CAMKMT: variants seen among roughly 807,000 people sequenced by gnomAD.
CAMKMT encodes the protein calmodulin-lysine N-methyltransferase.
In CAMKMT, 53 loss-of-function variants were observed where a neutral mutation model predicts 48.0. The ratio of observed to expected loss-of-function variants is 1.10; its 90% CI spans 0.89 to 1.39. The LOEUF (loss-of-function observed/expected upper bound fraction) is 1.39, where lower values mean the gene tolerates loss of function less well. CAMKMT is among the 40% of genes most tolerant of loss of function. The pLI, the probability that CAMKMT is intolerant of heterozygous loss-of-function variation, is 0.00. For synonymous variants in CAMKMT, 165 were observed against 152.3 expected (o/e 1.08, Z -0.61); for missense variants, 428 against 402.7 (o/e 1.06, Z -0.54).
At chr2:44,527,080 C>A (rs1456678443) in intron 3 of CAMKMT, among the ~76,000 whole-genome samples, 1 of 147,510 alleles carries the variant, frequency 6.8e-6, no homozygotes, top group Non-Finnish European at 1.5e-5. Flanking sequence ...CCTTGACAAC[C>A]ACCCCCAGTT....
chr2:44,520,897 C>T lies in CAMKMT; in HGVS notation c.376+130592C>T, dbSNP rs984431270. ...TGCTTGCATTCATTCTTTCTCCTGC[C>T]GCTCTGTGAAGAGGTGGCTTCTGTC... On this transcript the variant is annotated intron_variant, in intron 3 of 10. Transcript: ENST00000378494. Among the ~76,000 whole-genome samples the T allele has an allele frequency of 6.6e-5, 10 of 152,172 alleles. No homozygotes were observed. The South Asian group carries it at 1.4e-3, about 22-fold the overall frequency.
At chr2:44,652,116 G>A (rs750769264) in intron 3 of CAMKMT, among the ~76,000 whole-genome samples, 2 of 152,162 alleles carry the variant, frequency 1.3e-5, no homozygotes, top group African/African-American at 2.4e-5. Context: ...TTAAAGCTAT[G>A]TTTATAAATA....
At chr2:44,605,102 TCTC>T in intron 3 of CAMKMT, among the ~76,000 whole-genome samples, 2 of 152,258 alleles carry the variant, frequency 1.3e-5, no homozygotes, top group East Asian at 3.9e-4. Context: ...TCTGTTCTCT[TCTC>T]CTTTATTTCC....
intron 3 of CAMKMT, among the ~76,000 whole-genome samples, chr2:44,569,414 T>G (rs1400979853): frequency 6.6e-6 from 1 of 152,216 alleles, no homozygotes; most frequent in Non-Finnish European, 1.5e-5. Flanking sequence ...TGCAAATGAT[T>G]CTGAAAATCA....
intron 3 of CAMKMT, among the ~76,000 whole-genome samples, chr2:44,620,994 T>C (rs922877571): frequency 3.9e-5 from 6 of 152,010 alleles, no homozygotes; most frequent in African/African-American, 7.2e-5. Flanking sequence ...GCAGGCCGGG[T>C]GCGGTGGCTC....
At chr2:44,575,758 G>C (rs183692325) in intron 3 of CAMKMT, among the ~76,000 whole-genome samples, 67 of 151,662 alleles carry the variant, frequency 4.4e-4, no homozygotes, top group African/African-American at 1.6e-3. Flanking sequence ...TCAGGAGGCT[G>C]AGGTGGGAGG....
At chr2:44,463,449 C>G (rs531906662) in intron 3 of CAMKMT, among the ~76,000 whole-genome samples, 1 of 152,230 alleles carries the variant, frequency 6.6e-6, no homozygotes, top group East Asian at 1.9e-4. Flanking sequence ...AGGAAAAGCC[C>G]AACTCATGGC....
chr2:44,662,432 C>A (rs1674731291), intron 3 of CAMKMT, among the ~76,000 whole-genome samples: 1 of 152,186 alleles, frequency 6.6e-6, no homozygotes, highest in African/African-American at 2.4e-5. Context: ...ACTGTGTTTA[C>A]TGTCAATGGA....
chr2:44,609,288 A>AGT (rs1428405500), intron 3 of CAMKMT, among the ~76,000 whole-genome samples: 1 of 152,232 alleles, frequency 6.6e-6, no homozygotes, highest in Non-Finnish European at 1.5e-5. Context: ...CATACTGTAC[A>AGT]GTGTGGTTAC....
chr2:44,594,730 G>A (rs4640437), intron 3 of CAMKMT, among the ~76,000 whole-genome samples: 97,838 of 152,012 alleles, frequency 0.64, 31,977 homozygotes, highest in Admixed American at 0.71. Flanking sequence ...CCTAGGCAAT[G>A]CCATTCAGGA....
At chr2:44,701,554 C>A (rs1370838878) in intron 3 of CAMKMT, among the ~76,000 whole-genome samples, 3 of 152,216 alleles carry the variant, frequency 2.0e-5, no homozygotes, top group East Asian at 1.9e-4. Context: ...ATCCCATTTC[C>A]TAGTATTTGA....
intron 3 of CAMKMT, among the ~76,000 whole-genome samples, chr2:44,472,478 G>C (rs1370877716): frequency 6.6e-6 from 1 of 152,264 alleles, no homozygotes; most frequent in South Asian, 2.1e-4. Flanking sequence ...TCTAAGGTTC[G>C]AACTTTTGCA....
At chr2:44,547,825 G>A (rs2103637938) in intron 3 of CAMKMT, among the ~76,000 whole-genome samples, 1 of 152,216 alleles carries the variant, frequency 6.6e-6, no homozygotes, top group East Asian at 1.9e-4. Flanking sequence ...ATCTCTAACG[G>A]CCTAAATTTG....
intron 3 of CAMKMT, among the ~76,000 whole-genome samples, chr2:44,640,258 A>C (rs927255453): frequency 1.3e-5 from 2 of 152,218 alleles, no homozygotes; most frequent in Non-Finnish European, 2.9e-5. Flanking sequence ...TAATACTTAA[A>C]AAACACTGGT....
chr2:44,634,883 C>G (rs147055495), intron 3 of CAMKMT, among the ~76,000 whole-genome samples: 2 of 149,844 alleles, frequency 1.3e-5, no homozygotes, highest in East Asian at 3.9e-4. Context: ...GTTTATAAAG[C>G]TAGTTTCATT....
At chr2:44,524,609 A>T (rs1311643988) in intron 3 of CAMKMT, among the ~76,000 whole-genome samples, 1 of 150,834 alleles carries the variant, frequency 6.6e-6, no homozygotes, top group Non-Finnish European at 1.5e-5. Context: ...TGTACACTGG[A>T]CATCCCTTAG....
intron 3 of CAMKMT, among the ~76,000 whole-genome samples, chr2:44,530,078 A>G (rs1011797): frequency 0.59 from 89,542 of 152,042 alleles, 27,403 homozygotes; most frequent in South Asian, 0.7. Flanking sequence ...AAGACTGTCA[A>G]TATTTCCTGC....
At chr2:44,414,896 C>G (rs1445685440) in intron 3 of CAMKMT, among the ~76,000 whole-genome samples, 1 of 152,220 alleles carries the variant, frequency 6.6e-6, no homozygotes, top group Non-Finnish European at 1.5e-5. Flanking sequence ...TGGCTTATGC[C>G]TGTAATCCCA....
At position 44,697,540 on chromosome 2, in the gene CAMKMT, G is replaced by A. The variant is rs1837116; in HGVS notation, c.377-6743G>A. On this transcript the variant is annotated intron_variant, in intron 3 of 10. Coordinates refer to ENST00000378494, the MANE Select transcript of CAMKMT (RefSeq NM_024766.5). ...GTTGCCTAAAAATCTTAGCAAATGA[G>A]GGGGGAAAAGACCTTTATAAACTCC... Among the ~76,000 whole-genome samples the A allele has an allele frequency of 7.0e-3, 1,068 of 152,146 alleles. 13 individuals carry two copies. The highest frequency in any genetic ancestry group is 0.025 in the African/African-American group (1,019 of 41,504).
Sources: gnomAD v4.1 joint callset for allele counts (sites outside exome capture counted in the v4.1 genomes callset) on GRCh38, gnomAD v4.1.1 for gene constraint, MANE v1.5 for transcripts, NCBI Gene and HGNC (gene_info 2026-07-23, HGNC 2026-07-21) for gene names.